The following CEACAM21 variants were observed in gnomAD, a reference collection of about 807,000 sequenced individuals.
The protein encoded by CEACAM21 is CEA cell adhesion molecule 21, also known as cell adhesion molecule CEACAM21.
In CEACAM21, 38 loss-of-function variants were observed where a neutral mutation model predicts 33.2. That is an observed-to-expected ratio of 1.14 (90% CI 0.88 to 1.50). The LOEUF (loss-of-function observed/expected upper bound fraction) is 1.50, where lower values mean the gene tolerates loss of function less well. CEACAM21 is among the 40% of genes most tolerant of loss of function. The pLI is 0.00. For missense variants in CEACAM21, 385 were observed against 364.6 expected (o/e 1.06, Z -0.46); for synonymous variants, 156 against 143.0 (o/e 1.09, Z -0.65).
rs714106 is a variant in CEACAM21 at position 41,577,497 on chromosome 19, A to C, written c.362A>C (p.Asn121Thr). The part of the protein sequence containing the change: ...NVTLEDTGYY[N>T]LQVTYRNSQI... ...ACCCTAGAGGACACGGGATACTACA[A>C]CCTACAAGTCACATACAGAAATTCT... Residue 121 changes from asparagine (N) to threonine (T), a missense_variant, in exon 2 of 7, where the codon AAC (asparagine) becomes ACC (threonine). Transcript: ENST00000401445. 472,444 of 1,613,754 alleles carry C rather than the reference A, an allele frequency of 0.29. 81,527 individuals carry two copies. The highest frequency in any genetic ancestry group is 0.8 in the African/African-American group (60,257 of 74,904).
chr19:41,559,398 T>C (rs1204971298), intron 1 of CEACAM21, among the ~76,000 whole-genome samples: 2 of 152,200 alleles, frequency 1.3e-5, no homozygotes, highest in Admixed American at 1.3e-4. Context: ...TAAAAGCACA[T>C]AGGGTGTAGC....
At chr19:41,579,160 C>T in intron 2 of CEACAM21, 193 bp from the exon 3 acceptor site, 1 of 860,244 alleles carries the variant, frequency 1.2e-6, no homozygotes, top group Non-Finnish European at 1.8e-6. Flanking sequence ...GCTGGGTCCT[C>T]CTGGTCCCTG....
chr19:41,579,569 G>A lies in CEACAM21; in HGVS notation c.641G>A (p.Cys214Tyr), dbSNP rs1555792760. The A allele has an allele frequency of 3.1e-6, 5 of 1,600,456 alleles. No homozygotes were observed. The South Asian group carries it at 4.5e-5, about 14-fold the overall frequency. Residue 214 changes from cysteine to tyrosine, a missense_variant, in exon 3 of 7, where the codon TGT becomes TAT. By Grantham distance (194) the Cys-to-Tyr change is radical. Coordinates refer to ENST00000401445, the MANE Select transcript of CEACAM21 (RefSeq NM_001098506.4). Reference protein sequence around the residue: ...IRQEDAGEYQCEVSNPVSSNR... With the variant: ...IRQEDAGEYQYEVSNPVSSNR... Reference sequence around the variant, plus strand: ...CAGGAGGACGCTGGGGAGTATCAGTGTGAGGTCTCCAACCCAGTCAGCTCC... The same window carrying A: ...CAGGAGGACGCTGGGGAGTATCAGTATGAGGTCTCCAACCCAGTCAGCTCC...
chr19:41,586,088 G>C (rs2070716089), intron 6 of CEACAM21: 1 of 611,878 alleles, frequency 1.6e-6, no homozygotes, highest in South Asian at 1.9e-5. Context: ...CCTGAGGAGA[G>C]CCCTGGAATT....
rs564770272 is a variant in CEACAM21 at position 41,563,377 on chromosome 19, T to A, written c.-778-1305T>A. On this transcript the variant is annotated intron_variant, in intron 1 of 7. Transcript: ENST00000407170. The stretch of plus-strand genomic sequence containing the variant: ...ACTCTCCCACACCTGTCTGGGCTGT[T>A]CCTCGGCGCTTCTGAAATCCCATCC... 1.2e-4 allele frequency among the ~76,000 whole-genome samples: 18 copies of A among 152,300 alleles called. No homozygotes were observed. In the East Asian group the frequency reaches 3.5e-3, roughly 29 times the overall value.
intron 2 of CEACAM21, among the ~76,000 whole-genome samples, chr19:41,577,929 C>A (rs895097707): frequency 2.0e-5 from 3 of 152,136 alleles, no homozygotes; most frequent in African/African-American, 4.8e-5. Context: ...GCCCTTGAAG[C>A]CCCTGCCCCA....
intron 1 of CEACAM21, among the ~76,000 whole-genome samples, chr19:41,553,045 C>A (rs2041318433): frequency 6.6e-6 from 1 of 151,970 alleles, no homozygotes; most frequent in African/African-American, 2.4e-5. Flanking sequence ...AAACTGAATG[C>A]CAGACTAGAA....
At chr19:41,549,673 T>TTTTTG (rs1217857142) in intron 1 of CEACAM21, 2 of 152,214 alleles carry the variant, frequency 1.3e-5, no homozygotes, top group Non-Finnish European at 2.9e-5. Flanking sequence ...ATGTGGTGTT[T>TTTTTG]TTTTGTTTTG....
chr19:41,561,830 T>C (rs1037266968), intron 1 of CEACAM21, among the ~76,000 whole-genome samples: 3 of 152,332 alleles, frequency 2.0e-5, no homozygotes, highest in African/African-American at 4.8e-5. Context: ...TTCATGATTC[T>C]TGAGAAATTG....
intron 1 of CEACAM21, among the ~76,000 whole-genome samples, chr19:41,563,775 T>C (rs1357484244): frequency 6.6e-6 from 1 of 152,248 alleles, no homozygotes; most frequent in Non-Finnish European, 1.5e-5. Context: ...CCTTTTCCAC[T>C]GGACGCCATT....
Position 41,579,600 on chromosome 19 carries a change from G to T in CEACAM21, c.672G>T (p.Arg224Ser). Residue 224 changes from arginine (R) to serine (S), a missense_variant, in exon 3 of 7, where the codon AGG becomes AGT. By Grantham distance (110) the Arg-to-Ser change is moderately radical. Coordinates refer to ENST00000401445, the MANE Select transcript of CEACAM21 (RefSeq NM_001098506.4). Reference protein sequence around the residue: ...CEVSNPVSSNRSDPLKLTVKS... With the variant: ...CEVSNPVSSNSSDPLKLTVKS... ...TCTCCAACCCAGTCAGCTCCAACAGGAGCGACCCCCTCAAGCTGACTGTAA... is the reference window on the plus strand; with the variant it reads ...TCTCCAACCCAGTCAGCTCCAACAGTAGCGACCCCCTCAAGCTGACTGTAA... 6.3e-7 allele frequency: 1 copy of T among 1,575,854 alleles called. No individual in the cohort carries two copies. Among genetic ancestry groups the T allele is most frequent in the Non-Finnish European group, 8.6e-7 (1 of 1,160,220 alleles).
intron 1 of CEACAM21, among the ~76,000 whole-genome samples, chr19:41,560,526 C>T (rs1399352752): frequency 6.6e-6 from 1 of 151,962 alleles, no homozygotes; most frequent in African/African-American, 2.4e-5. Context: ...GACCCCCAAA[C>T]CAGAAAAAAA....
intron 1 of CEACAM21, among the ~76,000 whole-genome samples, chr19:41,556,648 C>T (rs772151400): frequency 1.2e-4 from 18 of 152,138 alleles, no homozygotes; most frequent in African/African-American, 2.4e-4. Flanking sequence ...TCAAATGCCA[C>T]GCAAACATTA....
chr19:41,552,303 A>AC (rs2041261247), intron 1 of CEACAM21: 1 of 151,916 alleles, frequency 6.6e-6, no homozygotes, highest in Admixed American at 6.6e-5. Flanking sequence ...GTTCCTTTAG[A>AC]CCCCCAATGA....
chr19:41,578,344 T>A (rs1194905267), intron 2 of CEACAM21, among the ~76,000 whole-genome samples: 1 of 151,910 alleles, frequency 6.6e-6, no homozygotes, highest in Non-Finnish European at 1.5e-5. Flanking sequence ...TAGATGATGT[T>A]TATTTGGAGC....
chr19:41,562,431 A>G (rs571904593), intron 1 of CEACAM21, among the ~76,000 whole-genome samples: 118 of 152,296 alleles, frequency 7.7e-4, no homozygotes, highest in African/African-American at 2.8e-3. Context: ...CACACGACAC[A>G]ATAGAAAAGC....
chr19:41,578,033 G>C (rs1476770), intron 2 of CEACAM21, among the ~76,000 whole-genome samples: 32,055 of 152,092 alleles, frequency 0.21, 3,634 homozygotes, highest in African/African-American at 0.29. Context: ...TTGTGAGCAA[G>C]GATTTACCAG....
chr19:41,578,258 A>G (rs1190838673), intron 2 of CEACAM21, among the ~76,000 whole-genome samples: 1 of 149,624 alleles, frequency 6.7e-6, no homozygotes, highest in African/African-American at 2.5e-5. Context: ...GAGAAAAGAC[A>G]CTCTGGACCG....
chr19:41,585,790 G>A (rs370111954), intron 5 of CEACAM21, 50 bp from the exon 6 acceptor site: 8 of 1,589,034 alleles, frequency 5.0e-6, no homozygotes, highest in African/African-American at 4.0e-5. Flanking sequence ...CTTGCAGGAG[G>A]GGCCCAGCTA....
Sources: allele counts gnomAD v4.1 joint callset (sites outside exome capture counted in the v4.1 genomes callset), GRCh38; gene constraint gnomAD v4.1.1; transcripts MANE v1.5; gene names NCBI Gene and HGNC (gene_info 2026-07-23, HGNC 2026-07-21).